The following SYT7 variants were observed in gnomAD, a reference collection of about 807,000 sequenced individuals.
SYT7 encodes the protein synaptotagmin 7.
A neutral mutation model predicts 75.1 loss-of-function variants in SYT7; 29 were observed. That is an observed-to-expected ratio of 0.39 (90% confidence interval 0.29 to 0.53). The LOEUF is 0.53. Ranked by LOEUF, SYT7 falls within the 20% of genes least tolerant of loss-of-function variation. The pLI, the probability that SYT7 is intolerant of heterozygous loss-of-function variation, is 0.77. For missense variants in SYT7, 693 were observed against 953.2 expected, an observed-to-expected ratio of 0.73 and a Z score of 3.59; for synonymous variants, 376 against 401.7, an observed-to-expected ratio of 0.94 and a Z score of 0.76.
intron 1 of SYT7, among the ~76,000 whole-genome samples, chr11:61,562,039 C>T (rs2063650620): frequency 6.7e-6 from 1 of 149,722 alleles, no homozygotes; most frequent in South Asian, 2.1e-4. Context: ...CATGCATGCA[C>T]ACACATATGC....
Position 61,580,946 on chromosome 11 carries a change from C to A in SYT7, c.-126G>T. ...GGCGGGTCCGAGGGCGGGGGCCGAG[C>A]GGGCTGCACCTAGCCGCGGAGCCGG... On this transcript the variant is annotated 5_prime_UTR_variant, in exon 1 of 13. Coordinates refer to ENST00000539008, the MANE Select transcript of SYT7 (RefSeq NM_001365809.2). This position sits in a 1 kb window ranked among gnomAD's most constrained non-coding sequence, Gnocchi z 6.1. The A allele has an allele frequency of 3.0e-6, 3 of 1,001,742 alleles. No individual in the cohort carries two copies. The highest frequency in any genetic ancestry group is 3.6e-6 in the Non-Finnish European group (3 of 841,260). 62.1% of individuals were successfully genotyped at this position (1,001,742 alleles called of 1,614,324 possible). A position where few individuals can be genotyped will look rare whatever the true frequency, so the allele number is the denominator to read the frequency against.
chr11:61,583,129 C>T (rs1001440256), upstream of SYT7, among the ~76,000 whole-genome samples: 53 of 151,910 alleles, frequency 3.5e-4, no homozygotes, highest in African/African-American at 1.2e-3. Context: ...CGGGAGGCTG[C>T]GACGGGAGGA....
In SYT7 at chr11:61,546,230, C is replaced by T; in HGVS notation, c.373G>A (p.Val125Met). 2.1e-6 allele frequency: 3 copies of T among 1,457,714 alleles called. No homozygotes were observed. Among genetic ancestry groups the T allele is most frequent in the South Asian group, 1.4e-5 (1 of 71,702 alleles). 90.3% of individuals were successfully genotyped at this position (1,457,714 alleles called of 1,614,324 possible). Reference protein sequence around the residue: ...LNGTLLSGAKVAAAAGLAVER... With the variant: ...LNGTLLSGAKMAAAAGLAVER... The stretch of plus-strand genomic sequence containing the variant: ...ACCGCCAGCCCCGCCGCGGCGGCCA[C>T]TTTGGCGCCCGACAGGAGGGTGCCA... The change falls in exon 5 of 13, where the codon GTG (valine) becomes ATG (methionine). Residue 125 changes from valine (V) to methionine (M), a missense_variant. Around this residue, in one of 2 missense-constraint regions of SYT7, gnomAD observed 487 missense variants for 593.2 expected, o/e 0.82. Coordinates refer to ENST00000539008, the MANE Select transcript of SYT7 (RefSeq NM_001365809.2). The surrounding 1 kb of genome is among the most constrained non-coding windows in gnomAD (Gnocchi z 7.6).
In SYT7 at chr11:61,523,081, G is replaced by A. The variant is rs1279780106; in HGVS notation, c.1950C>T (p.Ile650=). ...CCACCTGCCTCGCCCCTACCTTGCC[G>A]ATGACGTCATTGCGGCTGAGCTTGT... is the stretch of plus-strand genomic sequence containing the variant. ...DKDKLSRNDV[I]GKIYLSWKSG... is the part of the protein sequence containing the mutation. The change falls in exon 12 of 13, where the codon ATC becomes ATT. Residue 650 remains isoleucine, a synonymous_variant. Transcript: ENST00000539008. The surrounding 1 kb of genome is among the most constrained non-coding windows in gnomAD (Gnocchi z 5.0). 15 of 1,614,008 alleles carry A rather than the reference G, an allele frequency of 9.3e-6. No individual in the cohort carries two copies. Among genetic ancestry groups the A allele is most frequent in the East Asian group, 4.5e-5 (2 of 44,898 alleles).
At position 61,542,772 on chromosome 11, in the gene SYT7, C is replaced by T. The variant is rs777091533; in HGVS notation, c.573-193G>A. Among the ~76,000 whole-genome samples the T allele has an allele frequency of 1.9e-4, 29 of 152,220 alleles. No homozygotes were observed. The highest frequency in any genetic ancestry group is 1.6e-4 in the Non-Finnish European group (11 of 68,030). Reference sequence around the variant, plus strand: ...CTCGCCCAGGAGGCTGCAAAGCCCTCGCGCCCACCCTGAGGCCCCAGGCCG... The same window carrying T: ...CTCGCCCAGGAGGCTGCAAAGCCCTTGCGCCCACCCTGAGGCCCCAGGCCG... On this transcript the variant is annotated intron_variant, in intron 5 of 12. Coordinates refer to ENST00000539008, the MANE Select transcript of SYT7 (RefSeq NM_001365809.2). This position sits in a 1 kb window ranked among gnomAD's most constrained non-coding sequence, Gnocchi z 7.8.
At chr11:61,557,230 C>G in intron 1 of SYT7, among the ~76,000 whole-genome samples, 1 of 152,236 alleles carries the variant, frequency 6.6e-6, no homozygotes, top group East Asian at 1.9e-4. Flanking sequence ...ATAGATCACA[C>G]ATGCGCTATC....
At chr11:61,540,768 G>C in intron 6 of SYT7, 1 of 985,530 alleles carries the variant, frequency 1.0e-6, no homozygotes, top group Non-Finnish European at 1.2e-6. Flanking sequence ...GACGTGCAGG[G>C]GCCCAGCAGG....
At chr11:61,521,914 T>C (rs2062348484) in intron 12 of SYT7, among the ~76,000 whole-genome samples, 1 of 152,202 alleles carries the variant, frequency 6.6e-6, no homozygotes, top group South Asian at 2.1e-4. Context: ...TCTTACTTAA[T>C]CCTCTCAGCA....
In SYT7 at chr11:61,523,873, G is replaced by A; in HGVS notation, c.1710C>T (p.Ile570=). ...NPSANSIIVN[I]IKARNLKAMD... ...TGGCTTTGAGGTTCCGGGCTTTGATGATGTTCACGATGATGGAGTTGGCAG... is the reference window on the plus strand; with the variant it reads ...TGGCTTTGAGGTTCCGGGCTTTGATAATGTTCACGATGATGGAGTTGGCAG... The change falls in exon 11 of 13, where the codon ATC becomes ATT. Residue 570 remains isoleucine, a synonymous_variant. Coordinates refer to ENST00000539008, the MANE Select transcript of SYT7 (RefSeq NM_001365809.2). The surrounding 1 kb of genome is among the most constrained non-coding windows in gnomAD (Gnocchi z 5.0). 1.2e-6 allele frequency: 2 copies of A among 1,614,034 alleles called. No individual in the cohort carries two copies. The highest frequency in any genetic ancestry group is 1.7e-6 in the Non-Finnish European group (2 of 1,179,966).
chr11:61,536,716 G>C (rs897363157), intron 7 of SYT7, among the ~76,000 whole-genome samples: 2 of 152,182 alleles, frequency 1.3e-5, no homozygotes, highest in African/African-American at 4.8e-5. Context: ...CTGTGGACTC[G>C]GGATGGGAAG....
chr11:61,526,133 A>G (rs1048231896), intron 9 of SYT7: 1 of 152,032 alleles, frequency 6.6e-6, no homozygotes, highest in Non-Finnish European at 1.5e-5. Context: ...TCCCCCAGAG[A>G]CTCTGGAAGC....
intron 1 of SYT7, among the ~76,000 whole-genome samples, chr11:61,577,153 G>A (rs1206591099): frequency 6.6e-6 from 1 of 152,202 alleles, no homozygotes. Context: ...GGCCCTGGAG[G>A]GGGCCTGTCT....
rs1306747053 is a variant in SYT7, at chr11:61,576,287, C to T, written c.31+4503G>A. Among the ~76,000 whole-genome samples the T allele has an allele frequency of 6.6e-6, 1 of 152,240 alleles. No individual in the cohort carries two copies. The highest frequency in any genetic ancestry group is 1.5e-5 in the Non-Finnish European group (1 of 68,038). On this transcript the variant is annotated intron_variant, in intron 1 of 12. Coordinates refer to ENST00000539008, the MANE Select transcript of SYT7 (RefSeq NM_001365809.2). The surrounding 1 kb of genome is among the most constrained non-coding windows in gnomAD (Gnocchi z 4.1). Reference sequence around the variant, plus strand: ...CCATGCCCACGGAACTGGCAGAATTCACCTGGCATCACCAGCTGGGGTTCC... The same window carrying T: ...CCATGCCCACGGAACTGGCAGAATTTACCTGGCATCACCAGCTGGGGTTCC...
chr11:61,579,876 ACC>A (rs1427345585), intron 1 of SYT7, among the ~76,000 whole-genome samples: 1 of 152,140 alleles, frequency 6.6e-6, no homozygotes, highest in Non-Finnish European at 1.5e-5. Context: ...TGGGTGGAGC[ACC>A]CCAGGTGGGA....
At chr11:61,555,327 C>A (rs1200232982) in intron 2 of SYT7, among the ~76,000 whole-genome samples, 1 of 152,236 alleles carries the variant, frequency 6.6e-6, no homozygotes, top group East Asian at 1.9e-4. Flanking sequence ...CTGCTGCCCC[C>A]AAAGTCCCAC....
intron 12 of SYT7, among the ~76,000 whole-genome samples, chr11:61,519,758 T>G (rs1451950845): frequency 6.6e-6 from 1 of 152,230 alleles, no homozygotes; most frequent in African/African-American, 2.4e-5. Context: ...ATGGGAACTC[T>G]CTCTACTATC....
intron 2 of SYT7, among the ~76,000 whole-genome samples, chr11:61,555,461 C>T (rs1222921866): frequency 6.6e-6 from 1 of 152,198 alleles, no homozygotes; most frequent in African/African-American, 2.4e-5. Context: ...GGCTCAGCCC[C>T]GCTCCCCCTA....
chr11:61,530,974 G>A, intron 8 of SYT7: 2 of 985,428 alleles, frequency 2.0e-6, no homozygotes, highest in Non-Finnish European at 2.4e-6. Context: ...AGGGCAGGAG[G>A]TGCCCAGAAG....
rs1291984009 is a variant in SYT7 at position 61,513,845 on chromosome 11, C to T, written c.*4782G>A. Among the ~76,000 whole-genome samples, 6 of 152,188 alleles carry T rather than the reference C, an allele frequency of 3.9e-5. No individual in the cohort carries two copies. Among genetic ancestry groups the T allele is most frequent in the Non-Finnish European group, 2.9e-5 (2 of 68,040 alleles). On this transcript the variant is annotated 3_prime_UTR_variant, in exon 13 of 13. Coordinates refer to ENST00000539008, the MANE Select transcript of SYT7 (RefSeq NM_001365809.2). ...GACACATACACGCAGGACACAGACACGGGGAGCGGGGCGTCTTCACGGGAA... is the reference window on the plus strand; with the variant it reads ...GACACATACACGCAGGACACAGACATGGGGAGCGGGGCGTCTTCACGGGAA...
Sources: allele counts gnomAD v4.1 joint callset (sites outside exome capture counted in the v4.1 genomes callset), GRCh38; gene constraint gnomAD v4.1.1; regional missense constraint gnomAD v4.1.1; non-coding constraint Gnocchi (gnomAD v3.1); transcripts MANE v1.5; gene names NCBI Gene and HGNC (gene_info 2026-07-23, HGNC 2026-07-21).